Variants in SLC35F3 observed in about 807,000 individuals in gnomAD.
The protein encoded by SLC35F3 is solute carrier family 35 member F3, also known as putative thiamine transporter SLC35F3.
In SLC35F3, 25 loss-of-function variants were observed where a neutral mutation model predicts 49.9. The observed-to-expected ratio is 0.50, with a 90% CI of 0.37 to 0.70. The LOEUF is 0.70. Ranked by LOEUF, SLC35F3 falls within the 30% of genes least tolerant of loss-of-function variation. The probability of loss-of-function intolerance (pLI) is 0.00; values close to 1 mark genes in which losing one functional copy is unlikely to be tolerated. For synonymous variants in SLC35F3, 275 were observed against 265.4 expected (o/e 1.04, Z -0.35); for missense variants, 525 against 639.8 (o/e 0.82, Z 1.94).
At chr1:233,992,866 TGGAAAGTGGGAGGGCAGCCTGTCTGAAAG>T (rs374736809) in intron 2 of SLC35F3, among the ~76,000 whole-genome samples, 1 of 151,790 alleles carries the variant, frequency 6.6e-6, no homozygotes, top group East Asian at 1.9e-4. Context: ...AAAACAGAAA[TGGAAAGTGGGAGGGCAGCCTGTCTGAAAG>T]GGAAAGTGGG....
chr1:234,108,269 AAAAGATATATATTATTTATATAT>A (rs1278956482), intron 2 of SLC35F3, among the ~76,000 whole-genome samples: 2,400 of 52,048 alleles, frequency 0.046, 94 homozygotes, highest in Middle Eastern at 0.093. Context: ...TTATATATAT[AAAAGATATATATTATTTATATAT>A]AAAGATATAT....
chr1:234,279,588 C>T (rs1558096330), intron 3 of SLC35F3, among the ~76,000 whole-genome samples: 1 of 152,106 alleles, frequency 6.6e-6, no homozygotes, highest in African/African-American at 2.4e-5. Flanking sequence ...TTCAAACAGA[C>T]CTTCACAGAT....
At chr1:234,007,310 G>C (rs987059864) in intron 2 of SLC35F3, among the ~76,000 whole-genome samples, 1 of 152,184 alleles carries the variant, frequency 6.6e-6, no homozygotes, top group Admixed American at 6.6e-5. Flanking sequence ...GAGGGAAAGT[G>C]GTACTTGAGC....
At position 234,239,726 on chromosome 1, in the gene SLC35F3, G is replaced by A. The variant is rs535502933; in HGVS notation, c.608+7985G>A. The stretch of plus-strand genomic sequence containing the variant: ...AGGTTGGAGCAACAGAGGTAGGAGT[G>A]CTACTAGCCCATGCTGGGACATTGT... On this transcript the variant is annotated intron_variant, in intron 3 of 7. Transcript: ENST00000366618. 8.0e-4 allele frequency among the ~76,000 whole-genome samples: 122 copies of A among 152,362 alleles called. 2 individuals are homozygous for A. Among genetic ancestry groups the A allele is most frequent in the African/African-American group, 2.9e-3 (119 of 41,588 alleles).
intron 2 of SLC35F3, among the ~76,000 whole-genome samples, chr1:234,229,460 G>T (rs1667334846): frequency 6.6e-6 from 1 of 152,168 alleles, no homozygotes; most frequent in South Asian, 2.1e-4. Flanking sequence ...ATGATTTGAT[G>T]ATTTTCTCCT....
chr1:233,949,731 T>C (rs1333286766), intron 2 of SLC35F3, among the ~76,000 whole-genome samples: 1 of 152,110 alleles, frequency 6.6e-6, no homozygotes, highest in Non-Finnish European at 1.5e-5. Flanking sequence ...CGAGTGAGGC[T>C]CTGACAGACT....
chr1:234,300,455 C>A (rs987359845), intron 3 of SLC35F3, among the ~76,000 whole-genome samples: 1 of 152,224 alleles, frequency 6.6e-6, no homozygotes, highest in Admixed American at 6.5e-5. Flanking sequence ...GGAGTAAGTG[C>A]ATGCATTCTG....
Position 234,033,568 on chromosome 1 carries a change from A to G in SLC35F3, c.283+127810A>G, listed in dbSNP as rs1190740218. 3.9e-5 allele frequency among the ~76,000 whole-genome samples: 6 copies of G among 152,184 alleles called. No homozygotes were observed. In the East Asian group the frequency reaches 7.7e-4, roughly 20 times the overall value. On this transcript the variant is annotated intron_variant, in intron 2 of 7. Coordinates refer to ENST00000366618, the MANE Select transcript of SLC35F3 (RefSeq NM_173508.4). The stretch of plus-strand genomic sequence containing the variant: ...GATGAGAATCCAGTTTCATTCTTCT[A>G]CATGTGACTTGCCAATTATCCCAGC...
chr1:234,313,476 T>A (rs1218981213), intron 4 of SLC35F3, among the ~76,000 whole-genome samples: 1 of 152,176 alleles, frequency 6.6e-6, no homozygotes, highest in East Asian at 1.9e-4. Flanking sequence ...CCCCGGCCTG[T>A]GTTCCTTCCT....
chr1:233,917,287 A>G (rs985422493), intron 2 of SLC35F3, among the ~76,000 whole-genome samples: 2 of 152,318 alleles, frequency 1.3e-5, no homozygotes, highest in Non-Finnish European at 1.5e-5. Flanking sequence ...ATAATTTTGC[A>G]TAGTATTTTA....
At chr1:234,009,478 C>T (rs79676600) in intron 2 of SLC35F3, among the ~76,000 whole-genome samples, 1,837 of 152,286 alleles carry the variant, frequency 0.012, 33 homozygotes, top group African/African-American at 0.041. Flanking sequence ...ATTTGCTTAT[C>T]CCAATCTAAG....
At chr1:234,128,374 G>C (rs16842592) in intron 2 of SLC35F3, among the ~76,000 whole-genome samples, 19,665 of 152,248 alleles carry the variant, frequency 0.13, 2,537 homozygotes, top group East Asian at 0.7. Context: ...TGTGGAATGA[G>C]CTCTTCAGGG....
At chr1:234,086,382 A>G (rs754858559) in intron 2 of SLC35F3, among the ~76,000 whole-genome samples, 4 of 152,240 alleles carry the variant, frequency 2.6e-5, no homozygotes, top group Non-Finnish European at 5.9e-5. Flanking sequence ...ATCTTACTCC[A>G]TAGCCAACTG....
chr1:234,269,779 T>A (rs1176222594), intron 3 of SLC35F3, among the ~76,000 whole-genome samples: 1 of 152,166 alleles, frequency 6.6e-6, no homozygotes, highest in African/African-American at 2.4e-5. Context: ...GTTCTCACCC[T>A]ATTAGTTCTC....
intron 2 of SLC35F3, among the ~76,000 whole-genome samples, chr1:234,186,301 G>A (rs1666642917): frequency 6.6e-6 from 1 of 152,158 alleles, no homozygotes; most frequent in South Asian, 2.1e-4. Flanking sequence ...AAATGCTCCT[G>A]GCTTTGGCTG....
intron 3 of SLC35F3, chr1:234,274,134 G>T (rs569591441): frequency 6.6e-6 from 1 of 152,204 alleles, no homozygotes; most frequent in South Asian, 2.1e-4. Context: ...GTGAACGTTG[G>T]TTCTAATTAA....
intron 2 of SLC35F3, among the ~76,000 whole-genome samples, chr1:233,932,618 G>A (rs1431000073): frequency 6.6e-6 from 1 of 152,162 alleles, no homozygotes; most frequent in Non-Finnish European, 1.5e-5. Context: ...TGCTTTGCTA[G>A]CTATGTTATA....
chr1:234,260,485 T>C (rs1315670048), intron 3 of SLC35F3, among the ~76,000 whole-genome samples: 2 of 152,110 alleles, frequency 1.3e-5, no homozygotes, highest in East Asian at 3.9e-4. Flanking sequence ...TCTATATGAG[T>C]TCTGCTCAGG....
At chr1:234,195,963 G>A (rs1191106221) in intron 2 of SLC35F3, among the ~76,000 whole-genome samples, 3 of 152,104 alleles carry the variant, frequency 2.0e-5, no homozygotes, top group Non-Finnish European at 4.4e-5. Flanking sequence ...CCCCAGCCAC[G>A]TGGAATTGTG....
Sources: allele counts gnomAD v4.1 joint callset (sites outside exome capture counted in the v4.1 genomes callset), GRCh38; gene constraint gnomAD v4.1.1; transcripts MANE v1.5; gene names NCBI Gene and HGNC (gene_info 2026-07-23, HGNC 2026-07-21).